GLDC: variants seen among roughly 807,000 people sequenced by gnomAD.
GLDC encodes the protein glycine dehydrogenase (decarboxylating), mitochondrial.
GLDC carries 104 observed loss-of-function variants against 121.3 expected under a neutral mutation model. The ratio of observed to expected loss-of-function variants is 0.86; its 90% CI spans 0.73 to 1.01. The LOEUF is 1.01. Among genes scored for constraint, GLDC ranks in the 50% least tolerant of loss-of-function variants. The pLI is 0.00. For missense variants in GLDC, 1,429 were observed against 1,306.6 expected, an observed-to-expected ratio of 1.09 and a Z score of -1.44; for synonymous variants, 546 against 480.6, an observed-to-expected ratio of 1.14 and a Z score of -1.78.
rs562719635 is a variant in GLDC, at chr9:6,605,054, G to A, written c.861+77C>T. ...GTAAAGAAATTAAGGCACATGAAAA[G>A]ACAGAGAGAGAGATAGGTAGACAGA... On this transcript the variant is annotated intron_variant, in intron 6 of 24. Coordinates refer to ENST00000321612, the MANE Select transcript of GLDC (RefSeq NM_000170.3). The A allele has an allele frequency of 4.5e-6, 6 of 1,337,324 alleles. No individual in the cohort carries two copies. In the Admixed American group the frequency reaches 1.0e-4, roughly 22 times the overall value. 82.8% of individuals were successfully genotyped at this position (1,337,324 alleles called of 1,614,324 possible). A position where few individuals can be genotyped will look rare whatever the true frequency, so the allele number is the denominator to read the frequency against.
At position 6,557,129 on chromosome 9, in the gene GLDC, T is replaced by C. The variant is rs964677726; in HGVS notation, c.2053-827A>G. 5.3e-5 allele frequency among the ~76,000 whole-genome samples: 8 copies of C among 152,326 alleles called. No individual in the cohort carries two copies. In the East Asian group the frequency reaches 7.7e-4, roughly 15 times the overall value. ...TGCAGGATGACTATATTTAACAATA[T>C]ATAATTTTGAATAGTTAGAAGGAGG... On this transcript the variant is annotated intron_variant, in intron 17 of 24. Coordinates refer to ENST00000321612, the MANE Select transcript of GLDC (RefSeq NM_000170.3).
chr9:6,619,367 C>A (rs1262047037), intron 3 of GLDC, among the ~76,000 whole-genome samples: 3 of 150,382 alleles, frequency 2.0e-5, no homozygotes, highest in African/African-American at 7.5e-5. Context: ...TTTTGTCAGT[C>A]AGTTGTGAAT....
In GLDC at chr9:6,540,000, A is replaced by T. The variant is rs550592371; in HGVS notation, c.2665+51T>A. 3.0e-5 allele frequency: 33 copies of T among 1,107,712 alleles called. 1 individual carries two copies. The African/African-American group carries it at 4.9e-4, about 16-fold the overall frequency. The allele number at this position is 1,107,712 out of a possible 1,614,324, so 68.6% of individuals were successfully genotyped here. On this transcript the variant is annotated intron_variant, in intron 22 of 24. Coordinates refer to ENST00000321612, the MANE Select transcript of GLDC (RefSeq NM_000170.3). ...TGCATTTTCCATTTGTGCTTTAGGA[A>T]GTGGTCCACAGCCAGCATGGGCGGC...
chr9:6,576,311 T>C (rs1245817381), intron 15 of GLDC, among the ~76,000 whole-genome samples: 1 of 152,168 alleles, frequency 6.6e-6, no homozygotes, highest in African/African-American at 2.4e-5. Flanking sequence ...TCTTGCTGTG[T>C]CCTCACATGG....
In GLDC at chr9:6,610,321, G is replaced by C. The variant is rs754495182; in HGVS notation, c.506C>G (p.Ser169Cys). Residue 169 changes from serine (S) to cysteine (C), a missense_variant, in exon 4 of 25, where the codon TCT (serine) becomes TGT (cysteine). Physicochemically the swap from Ser to Cys is moderately radical, Grantham distance 112 (BLOSUM62 -1). Coordinates refer to ENST00000321612, the MANE Select transcript of GLDC (RefSeq NM_000170.3). ...GAGTAAACTCTCCAGCCTCCCCTGA[G>C]ACACCTCAGGCTGGTATGGAGTATA... ...TQYTPYQPEV[S>C]QGRLESLLNY... The C allele has an allele frequency of 3.1e-6, 5 of 1,613,794 alleles. No homozygotes were observed. The highest frequency in any genetic ancestry group is 1.3e-5 in the African/African-American group (1 of 74,932).
intron 19 of GLDC, 122 bp downstream of exon 19, chr9:6,554,547 T>A: frequency 1.3e-6 from 1 of 765,538 alleles, no homozygotes. Context: ...CCCCTACAAG[T>A]GCACTACACC....
intron 2 of GLDC, among the ~76,000 whole-genome samples, chr9:6,621,741 C>A (rs549707546): frequency 1.6e-4 from 24 of 152,320 alleles, no homozygotes; most frequent in African/African-American, 5.5e-4. Flanking sequence ...TGGTCTCGAA[C>A]TTCTGACTTC....
intron 20 of GLDC, 114 bp downstream of exon 20, chr9:6,553,254 A>G (rs974818574): frequency 5.1e-5 from 47 of 916,642 alleles, no homozygotes; most frequent in Admixed American, 3.5e-4. Context: ...TTTGAACCAC[A>G]TCTCAGATCA....
At chr9:6,629,958 T>TATATGTATACATATATATATATATA in intron 2 of GLDC, among the ~76,000 whole-genome samples, 1 of 78,680 alleles carries the variant, frequency 1.3e-5, no homozygotes, top group African/African-American at 6.1e-5. Flanking sequence ...TATATATATA[T>TATATGTATACATATATATATATATA]TTTTTTTTTT....
At chr9:6,566,201 C>G (rs770763758) in intron 15 of GLDC, among the ~76,000 whole-genome samples, 1 of 152,162 alleles carries the variant, frequency 6.6e-6, no homozygotes, top group Non-Finnish European at 1.5e-5. Flanking sequence ...CGAGATGGTG[C>G]CACTGCACTC....
intron 21 of GLDC, chr9:6,542,288 G>C (rs1168814154): frequency 2.0e-5 from 3 of 152,264 alleles, no homozygotes; most frequent in African/African-American, 7.2e-5. Context: ...ACTCAGGCTG[G>C]AGTGCAGTAG....
chr9:6,582,397 T>G (rs1195575442), intron 15 of GLDC, among the ~76,000 whole-genome samples: 1 of 151,880 alleles, frequency 6.6e-6, no homozygotes, highest in Admixed American at 6.6e-5. Context: ...GGCAGGCACC[T>G]GTAATCCCAG....
rs546431385 is a variant in GLDC at position 6,588,419 on chromosome 9, G to C, written c.1689C>G (p.Asn563Lys). ...IPLGSCTMKLNSSSELAPITW... is the reference protein window; with the variant it reads ...IPLGSCTMKLKSSSELAPITW... ...TACTTACTGCGAGTTCAGACGAACT[G>C]TTCAGTTTCATGGTGCAGGATCCCT... Residue 563 changes from asparagine to lysine, a missense_variant, in exon 14 of 25, where the codon AAC (asparagine) becomes AAG (lysine). Transcript: ENST00000321612. The C allele has an allele frequency of 6.2e-7, 1 of 1,612,154 alleles. No individual in the cohort carries two copies. Among genetic ancestry groups the C allele is most frequent in the African/African-American group, 1.3e-5 (1 of 75,000 alleles).
At chr9:6,547,614 C>T (rs1426381074) in intron 21 of GLDC, among the ~76,000 whole-genome samples, 1 of 152,054 alleles carries the variant, frequency 6.6e-6, no homozygotes, top group South Asian at 2.1e-4. Flanking sequence ...ATAATTTTTT[C>T]TATGACTCTC....
At chr9:6,591,554 G>A (rs1254269702) in intron 11 of GLDC, among the ~76,000 whole-genome samples, 2 of 152,104 alleles carry the variant, frequency 1.3e-5, no homozygotes, top group African/African-American at 2.4e-5. Context: ...AGATACAAAT[G>A]TCTTGCATCT....
At chr9:6,630,620 T>C (rs1410131783) in intron 2 of GLDC, among the ~76,000 whole-genome samples, 1 of 152,152 alleles carries the variant, frequency 6.6e-6, no homozygotes, top group Non-Finnish European at 1.5e-5. Flanking sequence ...GGGGCCAGAA[T>C]GTGAGGACAG....
rs1300550278 is a variant in GLDC at position 6,602,137 on chromosome 9, T to G, written c.1127A>C (p.Lys376Thr). 2 of 1,612,562 alleles carry G rather than the reference T, an allele frequency of 1.2e-6. No individual in the cohort carries two copies. The highest frequency in any genetic ancestry group is 1.7e-5 in the Admixed American group (1 of 60,022). Residue 376 changes from lysine to threonine, a missense_variant, in exon 8 of 25, where the codon AAG (lysine) becomes ACG (threonine). Physicochemically the swap from Lys to Thr is moderately conservative, Grantham distance 78 (BLOSUM62 -1). Coordinates refer to ENST00000321612, the MANE Select transcript of GLDC (RefSeq NM_000170.3). ...AGCTGTACAGATGTTGCTGGTAGCCTTGTCTCTCCGAATGTGTTGCTCCCT... is the reference window on the plus strand; with the variant it reads ...AGCTGTACAGATGTTGCTGGTAGCCGTGTCTCTCCGAATGTGTTGCTCCCT... ...QTREQHIRRD[K>T]ATSNICTAQA... is the part of the protein sequence containing the mutation.
chr9:6,604,575 T>C lies in GLDC; in HGVS notation c.1058+13A>G. 3 of 1,600,620 alleles carry C rather than the reference T, an allele frequency of 1.9e-6. No individual in the cohort carries two copies. Among genetic ancestry groups the C allele is most frequent in the Non-Finnish European group, 2.6e-6 (3 of 1,169,540 alleles). On this transcript the variant is annotated intron_variant, in intron 7 of 24. Coordinates refer to ENST00000321612, the MANE Select transcript of GLDC (RefSeq NM_000170.3). ...TAATCACAATAAAAGTAGAGAAACA[T>C]GAGCCCCTTTACCTTGTTACCCCCA...
At chr9:6,547,392 A>G (rs1474604668) in intron 21 of GLDC, among the ~76,000 whole-genome samples, 1 of 152,214 alleles carries the variant, frequency 6.6e-6, no homozygotes, top group African/African-American at 2.4e-5. Context: ...TTGGCTACAT[A>G]TACTAAAACA....
Sources: gnomAD v4.1 joint callset for allele counts (sites outside exome capture counted in the v4.1 genomes callset) on GRCh38, gnomAD v4.1.1 for gene constraint, MANE v1.5 for transcripts, NCBI Gene and HGNC (gene_info 2026-07-23, HGNC 2026-07-21) for gene names.